RGS6: variants seen among roughly 807,000 people sequenced by gnomAD.
RGS6 encodes the protein regulator of G protein signaling 6.
A neutral mutation model predicts 78.5 loss-of-function variants in RGS6; 30 were observed. The observed-to-expected ratio is 0.38, with a 90% CI of 0.29 to 0.52. RGS6 has a LOEUF of 0.52. Ranked by LOEUF, RGS6 falls within the 20% of genes least tolerant of loss-of-function variation. RGS6 has a pLI of 0.85. For missense variants in RGS6, 495 were observed against 609.7 expected, an observed-to-expected ratio of 0.81 and a Z score of 1.98; for synonymous variants, 206 against 206.0, an observed-to-expected ratio of 1.00 and a Z score of 0.00.
chr14:72,170,689 C>T (rs140160446), intron 2 of RGS6, among the ~76,000 whole-genome samples: 95 of 152,276 alleles, frequency 6.2e-4, no homozygotes, highest in Non-Finnish European at 1.2e-3. Flanking sequence ...ACAAGGAGTA[C>T]AATTATTTAC....
At chr14:72,483,033 G>A (rs1318246977) in intron 12 of RGS6, among the ~76,000 whole-genome samples, 28 of 152,160 alleles carry the variant, frequency 1.8e-4, no homozygotes, top group Admixed American at 1.8e-3. Context: ...TCTCATTTGT[G>A]TTCTCTGGAT....
the RGS6 span, among the ~76,000 whole-genome samples, chr14:71,897,440 A>C: frequency 2.6e-5 from 4 of 152,180 alleles, no homozygotes; most frequent in African/African-American, 9.7e-5. Context: ...GAACATGAAG[A>C]CAGTTGGGAG....
At chr14:72,322,949 C>G (rs1311444077) in intron 2 of RGS6, among the ~76,000 whole-genome samples, 1 of 152,004 alleles carries the variant, frequency 6.6e-6, no homozygotes, top group Non-Finnish European at 1.5e-5. Context: ...GCTACTGATA[C>G]AACTGCTGAA....
chr14:72,292,134 C>T (rs2063697882), intron 2 of RGS6, among the ~76,000 whole-genome samples: 1 of 152,150 alleles, frequency 6.6e-6, no homozygotes, highest in African/African-American at 2.4e-5. Flanking sequence ...CACTGACAGC[C>T]GCAGAGCCTG....
intron 1 of RGS6, among the ~76,000 whole-genome samples, chr14:71,942,718 T>G (rs1237416445): frequency 6.6e-6 from 1 of 152,196 alleles, no homozygotes; most frequent in Non-Finnish European, 1.5e-5. Context: ...AACTTTTGAT[T>G]ATCCTTATGT....
intron 3 of RGS6, among the ~76,000 whole-genome samples, chr14:72,355,862 G>A (rs2080154581): frequency 6.6e-6 from 1 of 152,152 alleles, no homozygotes; most frequent in African/African-American, 2.4e-5. Context: ...CAGTGCCCAA[G>A]GCAAGAGAGT....
chr14:72,572,603 A>G, the RGS6 span, among the ~76,000 whole-genome samples: 1 of 152,210 alleles, frequency 6.6e-6, no homozygotes, highest in Non-Finnish European at 1.5e-5. Context: ...AGGCAAATTG[A>G]TAGAGACAGA....
intron 12 of RGS6, among the ~76,000 whole-genome samples, chr14:72,480,376 T>TAGCACA (rs1199192844): frequency 2.4e-4 from 36 of 152,326 alleles, no homozygotes; most frequent in South Asian, 2.1e-4. Context: ...ATTGTTTGTT[T>TAGCACA]GTTTCCTTGC....
chr14:72,092,942 T>C (rs1211199798), intron 2 of RGS6, among the ~76,000 whole-genome samples: 2 of 152,166 alleles, frequency 1.3e-5, no homozygotes, highest in Non-Finnish European at 2.9e-5. Context: ...TCCCATACCA[T>C]ATTACTTATA....
chr14:72,488,555 A>G (rs2096530324), intron 12 of RGS6, among the ~76,000 whole-genome samples: 1 of 152,238 alleles, frequency 6.6e-6, no homozygotes, highest in Non-Finnish European at 1.5e-5. Flanking sequence ...ATTTCATTAC[A>G]GCTTAAATAA....
chr14:72,251,846 C>T (rs1001505515), intron 2 of RGS6, among the ~76,000 whole-genome samples: 4 of 152,028 alleles, frequency 2.6e-5, no homozygotes, highest in Non-Finnish European at 5.9e-5. Flanking sequence ...GCACATGAAC[C>T]CCTTGAACCT....
intron 2 of RGS6, among the ~76,000 whole-genome samples, chr14:71,993,949 C>T (rs975362068): frequency 6.6e-6 from 1 of 151,426 alleles, no homozygotes; most frequent in African/African-American, 2.4e-5. Context: ...GGCATCTTAG[C>T]CTCTAGGACA....
At chr14:71,981,324 G>C (rs1337427789) in intron 2 of RGS6, among the ~76,000 whole-genome samples, 2 of 152,212 alleles carry the variant, frequency 1.3e-5, no homozygotes, top group African/African-American at 4.8e-5. Context: ...TCCCTTTGGA[G>C]GAGGAGAGGC....
At chr14:72,413,573 G>T (rs895096755) in intron 3 of RGS6, among the ~76,000 whole-genome samples, 1 of 152,116 alleles carries the variant, frequency 6.6e-6, no homozygotes, top group Non-Finnish European at 1.5e-5. Context: ...TACATTTAAG[G>T]TTAATATTGT....
At chr14:72,367,543 A>T (rs2082674172) in intron 3 of RGS6, among the ~76,000 whole-genome samples, 2 of 152,214 alleles carry the variant, frequency 1.3e-5, no homozygotes, top group Admixed American at 6.5e-5. Flanking sequence ...AATGGATTTG[A>T]TTAAAATTAT....
At chr14:72,144,160 C>T (rs1349505601) in intron 2 of RGS6, among the ~76,000 whole-genome samples, 4 of 152,104 alleles carry the variant, frequency 2.6e-5, no homozygotes, top group Non-Finnish European at 5.9e-5. Flanking sequence ...TGTGGAAAAC[C>T]CTGACTCTCA....
chr14:72,511,649 G>A (rs2096879351), intron 14 of RGS6: 1 of 152,258 alleles, frequency 6.6e-6, no homozygotes, highest in African/African-American at 2.4e-5. Context: ...GATAATAGTA[G>A]ACGAAGAAGC....
intron 3 of RGS6, among the ~76,000 whole-genome samples, chr14:72,388,686 C>G (rs1460102525): frequency 6.6e-6 from 1 of 152,180 alleles, no homozygotes; most frequent in East Asian, 1.9e-4. Context: ...ACCCTCTGTC[C>G]TGACCCTCAG....
chr14:72,609,365 G>A, the RGS6 span, among the ~76,000 whole-genome samples: 1 of 152,170 alleles, frequency 6.6e-6, no homozygotes, highest in African/African-American at 2.4e-5. Context: ...TGAAGAGTGA[G>A]TCCCGGGTCA....
Sources: allele counts gnomAD v4.1 joint callset (sites outside exome capture counted in the v4.1 genomes callset), GRCh38; gene constraint gnomAD v4.1.1; transcripts MANE v1.5; gene names NCBI Gene and HGNC (gene_info 2026-07-23, HGNC 2026-07-21).